Variants in CERS2 observed in about 807,000 individuals in gnomAD.
CERS2 encodes the protein ceramide synthase 2.
CERS2 carries 20 observed loss-of-function variants against 56.6 expected under a neutral mutation model. The observed-to-expected ratio is 0.35, with a 90% confidence interval of 0.25 to 0.51. The LOEUF is 0.51. Among genes scored for constraint, CERS2 ranks in the 20% least tolerant of loss-of-function variants. CERS2 has a pLI of 0.96. For synonymous variants in CERS2, 187 were observed against 175.4 expected (o/e 1.07, Z -0.52); for missense variants, 361 against 488.6 (o/e 0.74, Z 2.46).
At position 150,966,087 on chromosome 1, in the gene CERS2, C is replaced by T. The variant is rs1336971571; in HGVS notation, c.*61G>A. 1.3e-6 allele frequency: 2 copies of T among 1,505,866 alleles called. No homozygotes were observed. Among genetic ancestry groups the T allele is most frequent in the African/African-American group, 2.8e-5 (2 of 71,186 alleles). 93.3% of individuals were successfully genotyped at this position (1,505,866 alleles called of 1,614,324 possible). Reference sequence around the variant, plus strand: ...CAGAGCTTAAAGTGACCCTATAGCGCAGGGAGCGGGGTAGTTCCTTGGCTT... The same window carrying T: ...CAGAGCTTAAAGTGACCCTATAGCGTAGGGAGCGGGGTAGTTCCTTGGCTT... On this transcript the variant is annotated 3_prime_UTR_variant, in exon 11 of 11. Transcript: ENST00000368954.
intron 8 of CERS2, 50 bp downstream of exon 8, chr1:150,967,024 A>T (rs768959952): frequency 6.2e-7 from 1 of 1,606,516 alleles, no homozygotes; most frequent in African/African-American, 1.3e-5. Flanking sequence ...AAGAAAACCA[A>T]AGGGACAGAA....
chr1:150,967,576 T>G (rs1027295156), intron 6 of CERS2, 88 bp downstream of exon 6: 1 of 1,445,160 alleles, frequency 6.9e-7, no homozygotes, highest in Middle Eastern at 1.8e-4. Flanking sequence ...ATTCCATCAC[T>G]CTAATCCCTC....
At chr1:150,968,693 C>A (rs189678915) in intron 2 of CERS2, among the ~76,000 whole-genome samples, 181 bp from the exon 3 acceptor site, 1 of 152,036 alleles carries the variant, frequency 6.6e-6, no homozygotes. Flanking sequence ...AGGCGGGCGG[C>A]GGGTAGAGGG....
At chr1:150,971,653 C>T (rs1258200840) in intron 1 of CERS2, among the ~76,000 whole-genome samples, 1 of 152,098 alleles carries the variant, frequency 6.6e-6, no homozygotes, top group African/African-American at 2.4e-5. Flanking sequence ...TAATTATCCA[C>T]AGTGGAACTT....
intron 2 of CERS2, among the ~76,000 whole-genome samples, 175 bp from the exon 3 acceptor site, chr1:150,968,687 GGGC>G (rs1427149096): frequency 6.6e-6 from 1 of 152,174 alleles, no homozygotes; most frequent in Non-Finnish European, 1.5e-5. Flanking sequence ...GTGGCCAGGC[GGGC>G]GGCGGGTAGA....
chr1:150,969,996 G>A (rs1671136124), intron 1 of CERS2, among the ~76,000 whole-genome samples: 1 of 152,184 alleles, frequency 6.6e-6, no homozygotes, highest in Non-Finnish European at 1.5e-5. Flanking sequence ...GGGAGACCAA[G>A]GCAGGCTGAT....
intron 1 of CERS2, among the ~76,000 whole-genome samples, chr1:150,972,534 C>T (rs1341918490): frequency 2.0e-5 from 3 of 152,244 alleles, no homozygotes; most frequent in African/African-American, 7.2e-5. Context: ...AGTGTACACA[C>T]GGTAAGGAGA....
At position 150,968,524 on chromosome 1, in the gene CERS2, A is replaced by AT; in HGVS notation, c.174-13dup. 3 of 1,588,092 alleles carry AT rather than the reference A, an allele frequency of 1.9e-6. No homozygotes were observed. The highest frequency in any genetic ancestry group is 2.6e-6 in the Non-Finnish European group (3 of 1,156,306). ...GTGTAGCCACGTACCTGGGGAAGGG[A>AT]TATGAGTAAGGTATCTAGCTTGCTG... On this transcript the variant is annotated splice_polypyrimidine_tract_variant and intron_variant, in intron 2 of 10. Coordinates refer to ENST00000368954, the MANE Select transcript of CERS2 (RefSeq NM_022075.5).
At chr1:150,969,510 G>T (rs1447071392) in intron 1 of CERS2, among the ~76,000 whole-genome samples, 1 of 151,824 alleles carries the variant, frequency 6.6e-6, no homozygotes, top group African/African-American at 2.4e-5. Context: ...AGGAGGCAGA[G>T]GTTGCAGTGA....
At chr1:150,974,407 G>A (rs1671266888) in intron 1 of CERS2, 2 of 148,614 alleles carry the variant, frequency 1.3e-5, no homozygotes, top group Non-Finnish European at 3.0e-5. Context: ...CTCCCTTGAG[G>A]CGCTGCGCCC....
At chr1:150,970,557 C>T (rs1190316337) in intron 1 of CERS2, among the ~76,000 whole-genome samples, 1 of 152,186 alleles carries the variant, frequency 6.6e-6, no homozygotes, top group South Asian at 2.1e-4. Context: ...GTGGTACAAT[C>T]ACAGCTCACT....
At chr1:150,969,282 C>T (rs764088308) in intron 1 of CERS2, 191 bp from the exon 2 acceptor site, 3 of 592,380 alleles carry the variant, frequency 5.1e-6, no homozygotes, top group Non-Finnish European at 9.0e-6. Context: ...CCAGTTTTAA[C>T]ATTTACTGTT....
Position 150,965,196 on chromosome 1 carries a change from T to A in CERS2, c.*952A>T, listed in dbSNP as rs996373513. 3 of 152,592 alleles carry A rather than the reference T, an allele frequency of 2.0e-5. No homozygotes were observed. Among genetic ancestry groups the A allele is most frequent in the Non-Finnish European group, 2.9e-5 (2 of 68,044 alleles). The allele number at this position is 152,592 out of a possible 1,614,324, so 9.5% of individuals were successfully genotyped here. A position where few individuals can be genotyped will look rare whatever the true frequency, so the allele number is the denominator to read the frequency against. The stretch of plus-strand genomic sequence containing the variant: ...ACTGCAAGGAAGGCATAAGAAAGAC[T>A]CTCTTCGTTTATTTAGTTGATCCCC... On this transcript the variant is annotated 3_prime_UTR_variant, in exon 11 of 11. Transcript: ENST00000368954.
chr1:150,967,385 C>G lies in CERS2; in HGVS notation c.612+7G>C. 1 of 1,576,818 alleles carries G rather than the reference C, an allele frequency of 6.3e-7. No individual in the cohort carries two copies. Among genetic ancestry groups the G allele is most frequent in the Non-Finnish European group, 8.7e-7 (1 of 1,146,090 alleles). On this transcript the variant is annotated splice_region_variant and intron_variant, in intron 7 of 10. Transcript: ENST00000368954. Reference sequence around the variant, plus strand: ...CTGAGGCTTAATTGCACAACCCCTTCACCCACCTTTCGCTTGACATCAGAG... The same window carrying G: ...CTGAGGCTTAATTGCACAACCCCTTGACCCACCTTTCGCTTGACATCAGAG...
intron 1 of CERS2, chr1:150,974,135 G>C (rs1671256069): frequency 6.6e-6 from 1 of 152,400 alleles, no homozygotes; most frequent in South Asian, 2.1e-4. Flanking sequence ...AACGGGGCAG[G>C]GCCCTCCCCT....
At chr1:150,971,365 C>T (rs1288631025) in intron 1 of CERS2, among the ~76,000 whole-genome samples, 1 of 152,112 alleles carries the variant, frequency 6.6e-6, no homozygotes, top group Non-Finnish European at 1.5e-5. Context: ...TCCACCCCCA[C>T]CCACCACTGT....
In CERS2 at chr1:150,968,387, G is replaced by A; in HGVS notation, c.291+8C>T. ...ATTCCCAGAGCCAGAGCAGCATGCG[G>A]CTCATACCTGCTTGGGCTGCTTGCC... On this transcript the variant is annotated splice_region_variant and intron_variant, in intron 3 of 10. Coordinates refer to ENST00000368954, the MANE Select transcript of CERS2 (RefSeq NM_022075.5). 2 of 1,605,964 alleles carry A rather than the reference G, an allele frequency of 1.2e-6. No individual in the cohort carries two copies. Among genetic ancestry groups the A allele is most frequent in the South Asian group, 2.2e-5 (2 of 90,926 alleles).
Position 150,965,975 on chromosome 1 carries a change from CT to C in CERS2, c.*172del, listed in dbSNP as rs1670998713. ...CAACGTCCCCCTACCTGGGGATAGG[CT>C]GGTTAGAATTTGGTTTAAAGGCAAC... On this transcript the variant is annotated 3_prime_UTR_variant, in exon 11 of 11. Transcript: ENST00000368954. 1.6e-6 allele frequency: 1 copy of C among 640,688 alleles called. No homozygotes were observed. 39.7% of individuals were successfully genotyped at this position (640,688 alleles called of 1,614,324 possible).
intron 1 of CERS2, among the ~76,000 whole-genome samples, chr1:150,971,175 G>A (rs927493864): frequency 1.1e-4 from 17 of 152,228 alleles, no homozygotes; most frequent in African/African-American, 3.6e-4. Flanking sequence ...CTCCTGGGAA[G>A]GAGATGAGGC....
Sources: allele counts gnomAD v4.1 joint callset (sites outside exome capture counted in the v4.1 genomes callset), GRCh38; gene constraint gnomAD v4.1.1; transcripts MANE v1.5; gene names NCBI Gene and HGNC (gene_info 2026-07-23, HGNC 2026-07-21).